NCKAP5: variants seen among roughly 807,000 people sequenced by gnomAD.
The protein encoded by NCKAP5 is nck-associated protein 5.
A neutral mutation model predicts 167.0 loss-of-function variants in NCKAP5; 92 were observed. The ratio of observed to expected loss-of-function variants is 0.55; its 90% CI spans 0.47 to 0.66. The LOEUF is 0.66. Among genes scored for constraint, NCKAP5 ranks in the 30% least tolerant of loss-of-function variants. The pLI is 0.00. For synonymous variants in NCKAP5, 891 were observed against 877.4 expected (o/e 1.02, Z -0.27); for missense variants, 2,378 against 2,315.0 (o/e 1.03, Z -0.56).
chr2:132,687,712 AACACACACACACACACACACAC>A (rs3069016), intron 19 of NCKAP5, among the ~76,000 whole-genome samples: 2 of 131,582 alleles, frequency 1.5e-5, no homozygotes, highest in African/African-American at 2.8e-5. Context: ...CACCTACCTA[AACACACACACACACACACACAC>A]ACACACACAC....
chr2:133,375,332 T>A (rs1038301070), intron 3 of NCKAP5, among the ~76,000 whole-genome samples: 6 of 152,210 alleles, frequency 3.9e-5, no homozygotes, highest in Admixed American at 3.9e-4. Context: ...TTAGAGATGA[T>A]CAGAACACTG....
chr2:133,603,167 T>G, the NCKAP5 span, among the ~76,000 whole-genome samples: 1 of 151,722 alleles, frequency 6.6e-6, no homozygotes, highest in African/African-American at 2.4e-5. Context: ...AGAAGAGTAT[T>G]TGGCCCCCAG....
intron 5 of NCKAP5, among the ~76,000 whole-genome samples, chr2:133,154,215 G>A (rs1382319708): frequency 1.3e-5 from 2 of 152,050 alleles, no homozygotes; most frequent in African/African-American, 2.4e-5. Flanking sequence ...CTAATCACAT[G>A]CTGTGATTAT....
At chr2:132,859,190 A>G (rs1689700256) in intron 11 of NCKAP5, among the ~76,000 whole-genome samples, 1 of 152,210 alleles carries the variant, frequency 6.6e-6, no homozygotes, top group African/African-American at 2.4e-5. Context: ...GAGGAAATTA[A>G]TTTAGGAGAT....
chr2:133,399,077 C>T (rs535947878), intron 3 of NCKAP5, among the ~76,000 whole-genome samples: 2 of 152,260 alleles, frequency 1.3e-5, no homozygotes, highest in South Asian at 2.1e-4. Context: ...AGACCGAGGC[C>T]GCTGCTCGGC....
intron 3 of NCKAP5, among the ~76,000 whole-genome samples, chr2:133,448,694 C>T (rs1421340594): frequency 6.6e-6 from 1 of 152,138 alleles, no homozygotes. Context: ...AGGCCAAGTG[C>T]AGTGGCATGA....
At chr2:133,236,781 A>T (rs2087441591) in intron 4 of NCKAP5, among the ~76,000 whole-genome samples, 1 of 152,214 alleles carries the variant, frequency 6.6e-6, no homozygotes, top group African/African-American at 2.4e-5. Flanking sequence ...TTAAAATGGA[A>T]GTTCAAGCTT....
chr2:132,779,166 A>G (rs951686716), intron 15 of NCKAP5, among the ~76,000 whole-genome samples: 6 of 152,374 alleles, frequency 3.9e-5, no homozygotes, highest in Non-Finnish European at 7.3e-5. Context: ...GATATTCTGG[A>G]AAGACCAAAG....
intron 6 of NCKAP5, among the ~76,000 whole-genome samples, chr2:133,033,727 A>G (rs1274390833): frequency 1.3e-5 from 2 of 152,108 alleles, no homozygotes; most frequent in South Asian, 2.1e-4. Context: ...AGCATACTGA[A>G]GAACACATCA....
intron 3 of NCKAP5, among the ~76,000 whole-genome samples, chr2:133,392,435 C>A (rs1687474838): frequency 6.6e-6 from 1 of 152,152 alleles, no homozygotes; most frequent in African/African-American, 2.4e-5. Context: ...TCTCAGAATA[C>A]ATTCTCATTA....
At chr2:133,604,288 C>T in the NCKAP5 span, among the ~76,000 whole-genome samples, 2 of 152,152 alleles carry the variant, frequency 1.3e-5, no homozygotes, top group Non-Finnish European at 1.5e-5. Flanking sequence ...TCACTGCAAC[C>T]TCCGCCTCCT....
the NCKAP5 span, among the ~76,000 whole-genome samples, chr2:133,638,239 T>G: frequency 6.6e-6 from 1 of 152,114 alleles, no homozygotes. Flanking sequence ...AATAGACAGG[T>G]AGATCTAATC....
rs1353553868 is a variant in NCKAP5, at chr2:133,385,791, G to A, written c.70-82681C>T. Among the ~76,000 whole-genome samples the A allele has an allele frequency of 1.6e-4, 24 of 148,256 alleles. No individual in the cohort carries two copies. In the East Asian group the frequency reaches 2.0e-3, roughly 12 times the overall value. ...TTAGTCTTGGGAGGGTGTATGTGTC[G>A]AGGAATTTATCCATTTCTTCTAGAT... On this transcript the variant is annotated intron_variant, in intron 3 of 19. Coordinates refer to ENST00000409261, the MANE Select transcript of NCKAP5 (RefSeq NM_207363.3).
At chr2:133,075,149 CA>C (rs2080556438) in intron 6 of NCKAP5, among the ~76,000 whole-genome samples, 1 of 152,098 alleles carries the variant, frequency 6.6e-6, no homozygotes, top group Admixed American at 6.6e-5. Flanking sequence ...AATGATTCAA[CA>C]ATTTGAATAC....
intron 15 of NCKAP5, among the ~76,000 whole-genome samples, chr2:132,776,729 G>A (rs1328944453): frequency 2.0e-5 from 3 of 152,108 alleles, no homozygotes; most frequent in African/African-American, 7.2e-5. Context: ...GGAAATGAGG[G>A]GCATAATTTA....
intron 5 of NCKAP5, among the ~76,000 whole-genome samples, chr2:133,198,218 G>C (rs2150109843): frequency 6.6e-6 from 1 of 152,198 alleles, no homozygotes; most frequent in Non-Finnish European, 1.5e-5. Context: ...CAGAAAGACA[G>C]GAGAAAAAGT....
chr2:133,621,060 T>A, the NCKAP5 span, among the ~76,000 whole-genome samples: 5 of 152,088 alleles, frequency 3.3e-5, no homozygotes, highest in African/African-American at 9.7e-5. Flanking sequence ...AGTTAAAAAT[T>A]TCTTTGAATT....
intron 3 of NCKAP5, among the ~76,000 whole-genome samples, chr2:133,375,545 T>C (rs992260229): frequency 6.6e-6 from 1 of 152,198 alleles, no homozygotes; most frequent in Admixed American, 6.5e-5. Context: ...CACACAGGTA[T>C]TAAGCATAGT....
At chr2:133,288,320 A>G (rs1679312034) in intron 4 of NCKAP5, among the ~76,000 whole-genome samples, 1 of 152,198 alleles carries the variant, frequency 6.6e-6, no homozygotes, top group Non-Finnish European at 1.5e-5. Context: ...GACGTCAAAG[A>G]ATTTCTATTT....
Sources: gnomAD v4.1 joint callset for allele counts (sites outside exome capture counted in the v4.1 genomes callset) on GRCh38, gnomAD v4.1.1 for gene constraint, MANE v1.5 for transcripts, NCBI Gene and HGNC (gene_info 2026-07-23, HGNC 2026-07-21) for gene names.